The following MOB3B variants were observed in gnomAD, a reference collection of about 807,000 sequenced individuals.
MOB3B encodes the protein MOB kinase activator 3B.
MOB3B carries 7 observed loss-of-function variants against 18.7 expected under a neutral mutation model. That is an observed-to-expected ratio of 0.37 (90% CI 0.21 to 0.70). MOB3B has a LOEUF of 0.70. Among genes scored for constraint, MOB3B ranks in the 30% least tolerant of loss-of-function variants. MOB3B has a pLI of 0.52. For synonymous variants in MOB3B, 111 were observed against 99.9 expected, an observed-to-expected ratio of 1.11 and a Z score of -0.66; for missense variants, 253 against 281.3, an observed-to-expected ratio of 0.90 and a Z score of 0.72.
chr9:27,446,135 C>A (rs7031023), intron 2 of MOB3B, among the ~76,000 whole-genome samples: 103,982 of 152,068 alleles, frequency 0.68, 36,607 homozygotes, highest in African/African-American at 0.74. Flanking sequence ...TAATAAAAGG[C>A]CTCTTCGCCA....
intron 1 of MOB3B, among the ~76,000 whole-genome samples, chr9:27,527,215 T>C (rs1820449556): frequency 6.6e-6 from 1 of 152,250 alleles, no homozygotes; most frequent in African/African-American, 2.4e-5. Context: ...TTTTATTTTG[T>C]TAATGATGCC....
chr9:27,522,242 CAAAAAAA>C (rs1171362204), intron 1 of MOB3B, among the ~76,000 whole-genome samples: 5 of 56,046 alleles, frequency 8.9e-5, no homozygotes, highest in Non-Finnish European at 1.2e-4. Flanking sequence ...CCCCGTCTCA[CAAAAAAA>C]AAAAAAAAAA....
At chr9:27,357,548 T>C (rs1475267790) in intron 3 of MOB3B, among the ~76,000 whole-genome samples, 2 of 151,974 alleles carry the variant, frequency 1.3e-5, no homozygotes, top group Non-Finnish European at 2.9e-5. Flanking sequence ...ACCCTAAACC[T>C]GCTTACCCTG....
At chr9:27,400,042 C>T (rs181252745) in intron 2 of MOB3B, among the ~76,000 whole-genome samples, 1 of 152,176 alleles carries the variant, frequency 6.6e-6, no homozygotes, top group African/African-American at 2.4e-5. Flanking sequence ...CTGGAAATTA[C>T]AGCTGCCTCC....
chr9:27,359,702 C>A (rs986790975), intron 2 of MOB3B, among the ~76,000 whole-genome samples: 4 of 152,180 alleles, frequency 2.6e-5, no homozygotes, highest in Non-Finnish European at 5.9e-5. Flanking sequence ...AATTCAATAA[C>A]TTTCACAGAT....
At chr9:27,470,798 C>T (rs560340203) in intron 1 of MOB3B, among the ~76,000 whole-genome samples, 1 of 152,294 alleles carries the variant, frequency 6.6e-6, no homozygotes, top group Non-Finnish European at 1.5e-5. Flanking sequence ...CCCTGCCGCA[C>T]TCATTTGGAA....
At chr9:27,493,272 C>T (rs947140072) in intron 1 of MOB3B, among the ~76,000 whole-genome samples, 1 of 152,136 alleles carries the variant, frequency 6.6e-6, no homozygotes, top group Non-Finnish European at 1.5e-5. Context: ...ATTTCATGGA[C>T]ATTTATTAGT....
chr9:27,522,874 C>T (rs1013272154), intron 1 of MOB3B, among the ~76,000 whole-genome samples: 18 of 151,834 alleles, frequency 1.2e-4, no homozygotes, highest in Non-Finnish European at 1.8e-4. Context: ...GAAATCTGCC[C>T]ATGAAATAAG....
In MOB3B at chr9:27,522,242, C is replaced by CAAAAAA. The variant is rs1171362204; in HGVS notation, c.-199+7307_-199+7312dup. On this transcript the variant is annotated intron_variant, in intron 1 of 3. Transcript: ENST00000262244. ...GGAGACAGAGCAAGACCCCGTCTCA[C>CAAAAAA]AAAAAAAAAAAAAAAAAAAAAAAAG... Among the ~76,000 whole-genome samples the CAAAAAA allele has an allele frequency of 3.3e-3, 185 of 56,036 alleles. 2 individuals are homozygous for CAAAAAA. The highest frequency in any genetic ancestry group is 6.7e-3 in the African/African-American group (85 of 12,754). The allele number at this position is 56,036 out of a possible 152,430, so 36.8% of individuals were successfully genotyped here.
At chr9:27,449,491 T>A (rs1563871530) in intron 2 of MOB3B, among the ~76,000 whole-genome samples, 1 of 152,198 alleles carries the variant, frequency 6.6e-6, no homozygotes. Flanking sequence ...TACAAACGAA[T>A]GGAAACTTAG....
At chr9:27,408,291 T>C (rs1822017276) in intron 2 of MOB3B, among the ~76,000 whole-genome samples, 1 of 152,094 alleles carries the variant, frequency 6.6e-6, no homozygotes, top group Non-Finnish European at 1.5e-5. Context: ...AGCAGGGAAA[T>C]TGGGAGTGAA....
intron 2 of MOB3B, among the ~76,000 whole-genome samples, chr9:27,361,973 C>T (rs1232467942): frequency 6.6e-6 from 1 of 152,158 alleles, no homozygotes; most frequent in Non-Finnish European, 1.5e-5. Context: ...CCCTTATAGC[C>T]AGCCCCCCTA....
intron 2 of MOB3B, among the ~76,000 whole-genome samples, chr9:27,413,214 A>G (rs17835670): frequency 0.075 from 11,352 of 152,262 alleles, 515 homozygotes; most frequent in South Asian, 0.12. Context: ...GCCCAATTGT[A>G]GATCTTAGCA....
chr9:27,470,044 G>C (rs188703321), intron 1 of MOB3B, among the ~76,000 whole-genome samples: 1 of 145,102 alleles, frequency 6.9e-6, no homozygotes, highest in East Asian at 2.1e-4. Flanking sequence ...AGGAGTTCGA[G>C]GCCACAATGA....
chr9:27,445,274 GTAT>G (rs1325360729), intron 2 of MOB3B, among the ~76,000 whole-genome samples: 4 of 152,158 alleles, frequency 2.6e-5, no homozygotes, highest in Non-Finnish European at 1.5e-5. Context: ...TACAAAGCAG[GTAT>G]TATTATTTTT....
intron 2 of MOB3B, among the ~76,000 whole-genome samples, chr9:27,379,521 G>C (rs1190216351): frequency 2.6e-5 from 4 of 152,104 alleles, no homozygotes; most frequent in Non-Finnish European, 4.4e-5. Flanking sequence ...ATGAGGAAAC[G>C]ACAGAGGAAG....
At chr9:27,451,358 A>G (rs1252750230) in intron 2 of MOB3B, among the ~76,000 whole-genome samples, 2 of 152,234 alleles carry the variant, frequency 1.3e-5, no homozygotes, top group African/African-American at 4.8e-5. Flanking sequence ...TTGTAATAAA[A>G]GAAGCCAGAA....
intron 2 of MOB3B, chr9:27,421,484 A>T (rs895252733): frequency 6.6e-6 from 1 of 152,260 alleles, no homozygotes; most frequent in Non-Finnish European, 1.5e-5. Flanking sequence ...CTTTTTGCTC[A>T]CCTTGGGTGC....
chr9:27,501,231 C>A (rs1819987564), intron 1 of MOB3B, among the ~76,000 whole-genome samples: 2 of 152,136 alleles, frequency 1.3e-5, no homozygotes, highest in Non-Finnish European at 2.9e-5. Flanking sequence ...TACCATTTTA[C>A]CCAGCGATCC....
Sources: gnomAD v4.1 joint callset for allele counts (sites outside exome capture counted in the v4.1 genomes callset) on GRCh38, gnomAD v4.1.1 for gene constraint, MANE v1.5 for transcripts, NCBI Gene and HGNC (gene_info 2026-07-23, HGNC 2026-07-21) for gene names.